Variants in TBX2 observed in about 807,000 individuals in gnomAD.
The protein encoded by TBX2 is T-box transcription factor 2.
TBX2 carries 19 observed loss-of-function variants against 48.4 expected under a neutral mutation model. The ratio of observed to expected loss-of-function variants is 0.39; its 90% CI spans 0.27 to 0.58. The LOEUF (loss-of-function observed/expected upper bound fraction) is 0.58, where lower values mean the gene tolerates loss of function less well. Among genes scored for constraint, TBX2 ranks in the 20% least tolerant of loss-of-function variants. The probability of loss-of-function intolerance (pLI) is 0.54; values close to 1 mark genes in which losing one functional copy is unlikely to be tolerated. For missense variants in TBX2, 994 were observed against 1,006.5 expected (o/e 0.99, Z 0.17); for synonymous variants, 522 against 459.7 (o/e 1.14, Z -1.73).
intron 4 of TBX2, 50 bp downstream of exon 4, chr17:61,404,547 G>C (rs2060279157): frequency 1.3e-6 from 2 of 1,589,610 alleles, no homozygotes; most frequent in East Asian, 2.3e-5. Context: ...CGGGAGCAGC[G>C]AGCAGGAGGG....
Position 61,401,894 on chromosome 17 carries a change from G to A in TBX2, c.606G>A (p.Lys202=). The change falls in exon 2 of 7, where the codon AAG becomes AAA. Residue 202 remains lysine, a synonymous_variant. Transcript: ENST00000240328. ...SPATGEQWMA[K]PVAFHKLKLT... ...CCACGGGGGAGCAGTGGATGGCTAA[G>A]CCTGTGGCCTTCCACAAGCTGAAGC... 6.2e-7 allele frequency: 1 copy of A among 1,612,300 alleles called. No homozygotes were observed. The highest frequency in any genetic ancestry group is 8.5e-7 in the Non-Finnish European group (1 of 1,179,500).
In TBX2 at chr17:61,403,354, T is replaced by G; in HGVS notation, c.810+147T>G. 2.3e-6 allele frequency: 3 copies of G among 1,314,440 alleles called. No homozygotes were observed. Among genetic ancestry groups the G allele is most frequent in the Non-Finnish European group, 3.1e-6 (3 of 977,946 alleles). The allele number at this position is 1,314,440 out of a possible 1,614,324, so 81.4% of individuals were successfully genotyped here. On this transcript the variant is annotated intron_variant, in intron 3 of 6. Transcript: ENST00000240328. The surrounding 1 kb of genome is among the most constrained non-coding windows in gnomAD (Gnocchi z 5.8). ...CCCCGAGCACCGAGCCTCGCATCCA[T>G]ACGCGCAGCACTCACGGAAGTCCTC...
In TBX2 at chr17:61,406,033, G is replaced by A. The variant is rs2060287684; in HGVS notation, c.1686+197G>A. On this transcript the variant is annotated intron_variant, in intron 6 of 6. Transcript: ENST00000240328. This position sits in a 1 kb window ranked among gnomAD's most constrained non-coding sequence, Gnocchi z 5.7. ...ACGAGGACTGTGTTGTAAGTCCAGGGGCTGGCCAGGGCGCCGCTTCTGACT... is the reference window on the plus strand; with the variant it reads ...ACGAGGACTGTGTTGTAAGTCCAGGAGCTGGCCAGGGCGCCGCTTCTGACT... The A allele has an allele frequency of 4.0e-6, 2 of 495,816 alleles. No individual in the cohort carries two copies. The highest frequency in any genetic ancestry group is 2.0e-5 in the African/African-American group (1 of 50,136). The allele number at this position is 495,816 out of a possible 1,614,324, so 30.7% of individuals were successfully genotyped here. A position where few individuals can be genotyped will look rare whatever the true frequency, so the allele number is the denominator to read the frequency against.
In TBX2 at chr17:61,405,203, TGAG is replaced by T. The variant is rs768037601; in HGVS notation, c.1057_1059del (p.Glu353del). On this transcript the variant is annotated inframe_deletion and splice_region_variant, in exon 6 of 7. Coordinates refer to ENST00000240328, the MANE Select transcript of TBX2 (RefSeq NM_005994.4). The stretch of plus-strand genomic sequence containing the variant: ...AATCCGCGCGCCCTCTCCCCGCAGC[TGAG>T]GAGAAGTCGTGCGCCGCGGACAGCG... 4.1e-5 allele frequency: 63 copies of T among 1,526,178 alleles called. No individual in the cohort carries two copies. Among genetic ancestry groups the T allele is most frequent in the African/African-American group, 2.9e-4 (21 of 73,098 alleles). 94.5% of individuals were successfully genotyped at this position (1,526,178 alleles called of 1,614,324 possible). A position where few individuals can be genotyped will look rare whatever the true frequency, so the allele number is the denominator to read the frequency against.
Position 61,406,034 on chromosome 17 carries a change from G to A in TBX2, c.1686+198G>A. The A allele has an allele frequency of 2.0e-6, 1 of 496,496 alleles. No individual in the cohort carries two copies. Among genetic ancestry groups the A allele is most frequent in the Non-Finnish European group, 3.1e-6 (1 of 318,872 alleles). 30.8% of individuals were successfully genotyped at this position (496,496 alleles called of 1,614,324 possible). A position where few individuals can be genotyped will look rare whatever the true frequency, so the allele number is the denominator to read the frequency against. On this transcript the variant is annotated intron_variant, in intron 6 of 6. Coordinates refer to ENST00000240328, the MANE Select transcript of TBX2 (RefSeq NM_005994.4). This position sits in a 1 kb window ranked among gnomAD's most constrained non-coding sequence, Gnocchi z 5.7. ...CGAGGACTGTGTTGTAAGTCCAGGG[G>A]CTGGCCAGGGCGCCGCTTCTGACTC... is the stretch of plus-strand genomic sequence containing the variant.
chr17:61,408,465 A>G lies in TBX2; in HGVS notation c.2098A>G (p.Ser700Gly). 2.1e-6 allele frequency: 3 copies of G among 1,460,686 alleles called. No homozygotes were observed. The highest frequency in any genetic ancestry group is 2.7e-6 in the Non-Finnish European group (3 of 1,102,798). 90.5% of individuals were successfully genotyped at this position (1,460,686 alleles called of 1,614,324 possible). ...CCAGAGACTGGTGAGTGGGCTGGAG[A>G]GCCAGCGAGCCCTCTCCCCAGGCCG... ...SIQRLVSGLE[S>G]QRALSPGRES... Residue 700 changes from serine to glycine, a missense_variant, in exon 7 of 7, where the codon AGC (serine) becomes GGC (glycine). Ser to Gly is a moderately conservative substitution (Grantham distance 56). Around this residue, in one of 5 missense-constraint regions of TBX2, gnomAD observed 639 missense variants for 613.2 expected, o/e 1.04. Transcript: ENST00000240328.
rs779990258 is a variant in TBX2, at chr17:61,403,249, C to G, written c.810+42C>G. The stretch of plus-strand genomic sequence containing the variant: ...GTGGGCTAAGCCCCTGCACTGACGC[C>G]CCTCAACACGTGCAGGCCCAACCGT... On this transcript the variant is annotated intron_variant, in intron 3 of 6. Transcript: ENST00000240328. The surrounding 1 kb of genome is among the most constrained non-coding windows in gnomAD (Gnocchi z 5.8). The G allele has an allele frequency of 1.2e-6, 2 of 1,601,834 alleles. No individual in the cohort carries two copies. Among genetic ancestry groups the G allele is most frequent in the Non-Finnish European group, 1.7e-6 (2 of 1,178,256 alleles).
Position 61,407,925 on chromosome 17 carries a change from T to C in TBX2, c.1687-129T>C, listed in dbSNP as rs1008482050. On this transcript the variant is annotated intron_variant, in intron 6 of 6. Coordinates refer to ENST00000240328, the MANE Select transcript of TBX2 (RefSeq NM_005994.4). Reference sequence around the variant, plus strand: ...TGCTTACCTGTGCTGCCTGTGGTTATAGTTATGCGAATTGTGGTTTTACAT... The same window carrying C: ...TGCTTACCTGTGCTGCCTGTGGTTACAGTTATGCGAATTGTGGTTTTACAT... 1.3e-4 allele frequency: 161 copies of C among 1,207,266 alleles called. 1 individual carries two copies. Among genetic ancestry groups the C allele is most frequent in the Admixed American group, 1.9e-4 (8 of 42,136 alleles). The allele number at this position is 1,207,266 out of a possible 1,614,324, so 74.8% of individuals were successfully genotyped here. A position where few individuals can be genotyped will look rare whatever the true frequency, so the allele number is the denominator to read the frequency against.
rs372178366 is a variant in TBX2, at chr17:61,405,275, G to A, written c.1125G>A (p.Pro375=). The change falls in exon 6 of 7, where the codon CCG becomes CCA. Residue 375 remains proline, a synonymous_variant. Coordinates refer to ENST00000240328, the MANE Select transcript of TBX2 (RefSeq NM_005994.4). The part of the protein sequence containing the change: ...ERLSEERAGA[P]LGRSPAPDSA... ...TGAGCGAGGAGCGTGCGGGGGCGCCGCTAGGCCGCAGCCCGGCTCCAGACA... is the reference window on the plus strand; with the variant it reads ...TGAGCGAGGAGCGTGCGGGGGCGCCACTAGGCCGCAGCCCGGCTCCAGACA... The A allele has an allele frequency of 5.3e-4, 831 of 1,567,162 alleles. 5 individuals are homozygous for A. The African/African-American group carries it at 1.0e-2, about 19-fold the overall frequency.
intron 6 of TBX2, 123 bp from the exon 7 acceptor site, chr17:61,407,931 T>A (rs1043056459): frequency 2.4e-6 from 3 of 1,258,280 alleles, no homozygotes; most frequent in Middle Eastern, 2.0e-4. Flanking sequence ...GTTATAGTTA[T>A]GCGAATTGTG....
chr17:61,402,003 T>C (rs1446326921), intron 2 of TBX2, 52 bp downstream of exon 2: 4 of 1,537,330 alleles, frequency 2.6e-6, no homozygotes, highest in South Asian at 2.5e-5. Context: ...GACCCAGCAC[T>C]GCAGCTGAGC....
At chr17:61,401,058 C>A (rs1199263757) in intron 1 of TBX2, among the ~76,000 whole-genome samples, 1 of 152,170 alleles carries the variant, frequency 6.6e-6, no homozygotes, top group East Asian at 1.9e-4. Context: ...CCGAGCCCTC[C>A]GCCTCACCGG....
chr17:61,407,750 C>T (rs950917186), intron 6 of TBX2: 2 of 344,974 alleles, frequency 5.8e-6, no homozygotes, highest in Admixed American at 9.9e-5. Context: ...TCCCTCAAGG[C>T]CTTCACCCGT....
rs1371001583 is a variant in TBX2 at position 61,403,075 on chromosome 17, C to A, written c.678C>A (p.Ser226=). 1.2e-6 allele frequency: 2 copies of A among 1,612,842 alleles called. No individual in the cohort carries two copies. Among genetic ancestry groups the A allele is most frequent in the Middle Eastern group, 1.6e-4 (1 of 6,076 alleles). ...SDKHGFTILN[S]MHKYQPRFHI... ...CCTCCCCGCAGACCATCCTAAACTC[C>A]ATGCACAAGTACCAGCCGCGCTTCC... Residue 226 remains serine, a synonymous_variant, in exon 3 of 7, where the codon TCC becomes TCA. Coordinates refer to ENST00000240328, the MANE Select transcript of TBX2 (RefSeq NM_005994.4). The surrounding 1 kb of genome is among the most constrained non-coding windows in gnomAD (Gnocchi z 5.8).
chr17:61,405,756 G>C lies in TBX2; in HGVS notation c.1606G>C (p.Gly536Arg), dbSNP rs760926920. Residue 536 changes from glycine to arginine, a missense_variant, in exon 6 of 7, where the codon GGG (glycine) becomes CGG (arginine). Coordinates refer to ENST00000240328, the MANE Select transcript of TBX2 (RefSeq NM_005994.4). ...GACCGCCGCGGGGCTGGACGCAGGC[G>C]GGCTGGGTCCCGCGGCCAGCGCAGC... ...PGTAAGLDAG[G>R]LGPAASAAST... 339 of 1,340,046 alleles carry C rather than the reference G, an allele frequency of 2.5e-4. No individual in the cohort carries two copies. Among genetic ancestry groups the C allele is most frequent in the Middle Eastern group, 1.5e-3 (7 of 4,524 alleles). 83.0% of individuals were successfully genotyped at this position (1,340,046 alleles called of 1,614,324 possible).
chr17:61,406,965 A>G lies in TBX2; in HGVS notation c.1687-1089A>G, dbSNP rs1278256335. 2 of 152,100 alleles carry G rather than the reference A, an allele frequency of 1.3e-5. No homozygotes were observed. The highest frequency in any genetic ancestry group is 2.1e-4 in the South Asian group (1 of 4,830). The allele number at this position is 152,100 out of a possible 1,614,324, so 9.4% of individuals were successfully genotyped here. Reference sequence around the variant, plus strand: ...AGACAAACTGGTAATAATCACCAGCATCACAGAGGTCATGAGGAAGTCAGG... The same window carrying G: ...AGACAAACTGGTAATAATCACCAGCGTCACAGAGGTCATGAGGAAGTCAGG... On this transcript the variant is annotated intron_variant, in intron 6 of 6. Transcript: ENST00000240328. This position sits in a 1 kb window ranked among gnomAD's most constrained non-coding sequence, Gnocchi z 5.7.
In TBX2 at chr17:61,402,126, C is replaced by G. The variant is rs907539987; in HGVS notation, c.663+175C>G. On this transcript the variant is annotated intron_variant, in intron 2 of 6. Coordinates refer to ENST00000240328, the MANE Select transcript of TBX2 (RefSeq NM_005994.4). ...CGTGGGCTGGGCCTGGGCCTGGGCC[C>G]CAGCGCTCTCCTTTGCAAGCCTGGG... Among the ~76,000 whole-genome samples the G allele has an allele frequency of 1.3e-5, 2 of 152,228 alleles. 1 individual carries two copies.
chr17:61,400,314 C>G lies in TBX2; in HGVS notation c.138C>G (p.Gly46=). The stretch of plus-strand genomic sequence containing the variant: ...TCCCGGCACTCGCGCTGCCGCCCGG[C>G]GCGCTGGCCAAGCCGCTGCCCGACC... ...SFFPALALPP[G]ALAKPLPDPG... The change falls in exon 1 of 7, where the codon GGC becomes GGG. Residue 46 remains glycine, a synonymous_variant. Transcript: ENST00000240328. This position sits in a 1 kb window ranked among gnomAD's most constrained non-coding sequence, Gnocchi z 9.2. 1 of 1,074,466 alleles carries G rather than the reference C, an allele frequency of 9.3e-7. No individual in the cohort carries two copies. The highest frequency in any genetic ancestry group is 2.5e-5 in the South Asian group (1 of 40,200). The allele number at this position is 1,074,466 out of a possible 1,614,324, so 66.6% of individuals were successfully genotyped here. A position where few individuals can be genotyped will look rare whatever the true frequency, so the allele number is the denominator to read the frequency against.
At chr17:61,402,032 G>T in intron 2 of TBX2, 81 bp downstream of exon 2, 1 of 1,511,376 alleles carries the variant, frequency 6.6e-7, no homozygotes, top group Non-Finnish European at 8.8e-7. Flanking sequence ...AGGGCGGCAG[G>T]ATCTCCCAGG....
Sources: gnomAD v4.1 joint callset for allele counts (sites outside exome capture counted in the v4.1 genomes callset) on GRCh38, gnomAD v4.1.1 for gene constraint, gnomAD v4.1.1 regional missense constraint, Gnocchi (gnomAD v3.1) non-coding constraint, MANE v1.5 for transcripts, NCBI Gene and HGNC (gene_info 2026-07-23, HGNC 2026-07-21) for gene names.